Variants in LDB2 observed in about 807,000 individuals in gnomAD.
LDB2 encodes LIM domain-binding protein 2.
Under a neutral mutation model 44.3 loss-of-function variants are expected in LDB2, and 12 were observed. The ratio of observed to expected loss-of-function variants is 0.27; its 90% CI spans 0.17 to 0.44. The LOEUF (loss-of-function observed/expected upper bound fraction) is 0.44. LDB2 is among the 20% of genes least tolerant of loss of function. LDB2 has a pLI of 1.00. For synonymous variants in LDB2, 164 were observed against 174.8 expected, an observed-to-expected ratio of 0.94 and a Z score of 0.49; for missense variants, 344 against 473.5, an observed-to-expected ratio of 0.73 and a Z score of 2.54.
intron 2 of LDB2, among the ~76,000 whole-genome samples, chr4:16,609,354 G>A (rs911716961): frequency 2.0e-5 from 3 of 149,028 alleles, no homozygotes; most frequent in Admixed American, 6.6e-5. Context: ...GAGGGGGCGG[G>A]GGGGGGAGGG....
chr4:16,762,889 G>T (rs182247348), intron 1 of LDB2, among the ~76,000 whole-genome samples: 352 of 152,294 alleles, frequency 2.3e-3, no homozygotes, highest in Admixed American at 7.3e-3. Context: ...TCTATGAGCA[G>T]TGTTACAGGT....
chr4:16,513,079 G>A (rs1251472191), intron 5 of LDB2, among the ~76,000 whole-genome samples: 1 of 152,058 alleles, frequency 6.6e-6, no homozygotes, highest in Admixed American at 6.6e-5. Context: ...TGAAAGACAT[G>A]TGCAGTCTTC....
chr4:16,688,193 C>T (rs143083674), intron 2 of LDB2, among the ~76,000 whole-genome samples: 2 of 152,298 alleles, frequency 1.3e-5, no homozygotes, highest in South Asian at 2.1e-4. Context: ...TGAGTGGCCT[C>T]CCCACAGTAG....
chr4:16,888,348 G>A (rs769546584), intron 1 of LDB2, among the ~76,000 whole-genome samples: 18 of 152,210 alleles, frequency 1.2e-4, no homozygotes, highest in Non-Finnish European at 2.1e-4. Flanking sequence ...CAACAAAACG[G>A]AGTACACATG....
At chr4:16,610,877 A>G (rs185872095) in intron 2 of LDB2, among the ~76,000 whole-genome samples, 2 of 152,182 alleles carry the variant, frequency 1.3e-5, no homozygotes, top group African/African-American at 2.4e-5. Context: ...CCATTAAGAT[A>G]CTCCACAAGA....
intron 1 of LDB2, among the ~76,000 whole-genome samples, chr4:16,820,953 G>A (rs1283713905): frequency 6.6e-6 from 1 of 152,064 alleles, no homozygotes; most frequent in Non-Finnish European, 1.5e-5. Flanking sequence ...ATTTCCATTG[G>A]CAATGGTCTT....
chr4:16,784,876 G>A (rs1159077998), intron 1 of LDB2, among the ~76,000 whole-genome samples: 3 of 152,014 alleles, frequency 2.0e-5, no homozygotes, highest in Non-Finnish European at 4.4e-5. Context: ...TCGTTTCCTA[G>A]CTCACTGGTG....
At chr4:16,865,603 A>T (rs940015814) in intron 1 of LDB2, among the ~76,000 whole-genome samples, 1 of 152,064 alleles carries the variant, frequency 6.6e-6, no homozygotes, top group East Asian at 1.9e-4. Flanking sequence ...TGTGGAGAAA[A>T]AAGCATCTCC....
intron 2 of LDB2, among the ~76,000 whole-genome samples, chr4:16,739,718 ATATACATATATG>A (rs1397846724): frequency 8.2e-6 from 1 of 121,220 alleles, no homozygotes; most frequent in African/African-American, 3.2e-5. Flanking sequence ...ATATATGTAT[ATATACATATATG>A]TGTATATACA....
intron 1 of LDB2, among the ~76,000 whole-genome samples, chr4:16,780,316 A>G (rs1443144170): frequency 6.6e-6 from 1 of 152,100 alleles, no homozygotes; most frequent in African/African-American, 2.4e-5. Flanking sequence ...TCCGCCTCCC[A>G]GGTTCAAGCA....
chr4:16,672,467 G>T (rs1314594878), intron 2 of LDB2, among the ~76,000 whole-genome samples: 1 of 152,154 alleles, frequency 6.6e-6, no homozygotes, highest in Non-Finnish European at 1.5e-5. Context: ...CTCAACCCTT[G>T]CCCAGAGAGG....
intron 5 of LDB2, among the ~76,000 whole-genome samples, chr4:16,579,748 T>C (rs977268015): frequency 6.6e-6 from 1 of 152,212 alleles, no homozygotes; most frequent in Non-Finnish European, 1.5e-5. Flanking sequence ...CTGAGTTTTA[T>C]TTGTGTGGTT....
At chr4:16,573,532 T>G (rs1216738186) in intron 5 of LDB2, among the ~76,000 whole-genome samples, 1 of 152,212 alleles carries the variant, frequency 6.6e-6, no homozygotes, top group Non-Finnish European at 1.5e-5. Context: ...TATTCTCATT[T>G]TCTGAACTCA....
intron 1 of LDB2, among the ~76,000 whole-genome samples, chr4:16,816,425 T>G (rs1329997425): frequency 6.7e-6 from 1 of 149,334 alleles, no homozygotes; most frequent in African/African-American, 2.5e-5. Flanking sequence ...TTTTTTTTTT[T>G]TGAGATGGAG....
intron 1 of LDB2, among the ~76,000 whole-genome samples, chr4:16,788,332 G>C (rs561851194): frequency 6.6e-6 from 1 of 152,320 alleles, no homozygotes; most frequent in South Asian, 2.1e-4. Flanking sequence ...GTGGTGATGG[G>C]AAGGGGATGC....
intron 5 of LDB2, among the ~76,000 whole-genome samples, chr4:16,541,168 C>A (rs956433137): frequency 5.9e-5 from 9 of 152,056 alleles, no homozygotes; most frequent in African/African-American, 2.2e-4. Flanking sequence ...TAATTATAAT[C>A]CCCAGTACTG....
chr4:16,802,336 A>G (rs1246609036), intron 1 of LDB2, among the ~76,000 whole-genome samples: 1 of 152,156 alleles, frequency 6.6e-6, no homozygotes, highest in Admixed American at 6.5e-5. Flanking sequence ...TGTTCCTCAT[A>G]TGAATGAACA....
intron 1 of LDB2, among the ~76,000 whole-genome samples, chr4:16,773,539 C>T (rs1771179444): frequency 6.6e-6 from 1 of 151,970 alleles, no homozygotes; most frequent in Non-Finnish European, 1.5e-5. Context: ...GGTTTGTGCT[C>T]CTATGGGAAT....
At chr4:16,552,047 C>T (rs1737872132) in intron 5 of LDB2, among the ~76,000 whole-genome samples, 1 of 152,002 alleles carries the variant, frequency 6.6e-6, no homozygotes, top group African/African-American at 2.4e-5. Flanking sequence ...TGTAGGCTGT[C>T]TTCTAGGTCC....
Sources: gnomAD v4.1 joint callset for allele counts (sites outside exome capture counted in the v4.1 genomes callset) on GRCh38, gnomAD v4.1.1 for gene constraint, MANE v1.5 for transcripts, NCBI Gene and HGNC (gene_info 2026-07-23, HGNC 2026-07-21) for gene names.